TMTC2: variants seen among roughly 807,000 people sequenced by gnomAD.
The protein encoded by TMTC2 is protein O-mannosyl-transferase TMTC2.
TMTC2 carries 43 observed loss-of-function variants against 82.4 expected under a neutral mutation model. That is an observed-to-expected ratio of 0.52 (90% CI 0.41 to 0.67). The LOEUF (loss-of-function observed/expected upper bound fraction) is 0.67. Among genes scored for constraint, TMTC2 ranks in the 30% least tolerant of loss-of-function variants. TMTC2 has a pLI of 0.00. For missense variants in TMTC2, 919 were observed against 1,012.4 expected (o/e 0.91, Z 1.25); for synonymous variants, 408 against 381.9 (o/e 1.07, Z -0.80).
chr12:83,016,621 C>G (rs534937626), intron 8 of TMTC2, among the ~76,000 whole-genome samples: 1 of 152,266 alleles, frequency 6.6e-6, no homozygotes, highest in East Asian at 1.9e-4. Context: ...TAGGTACTCT[C>G]TAAATACATG....
At chr12:82,951,326 C>G in intron 4 of TMTC2, among the ~76,000 whole-genome samples, 1 of 151,606 alleles carries the variant, frequency 6.6e-6, no homozygotes, top group East Asian at 1.9e-4. Context: ...GAGTCTCGCT[C>G]TGTCGCTAGG....
rs1308260349 is a variant in TMTC2, at chr12:82,896,278, A to G, written c.1115A>G (p.Lys372Arg). Residue 372 changes from lysine (K) to arginine (R), a missense_variant, in exon 3 of 12, where the codon AAA becomes AGA. By Grantham distance (26) the Lys-to-Arg change is conservative. Coordinates refer to ENST00000321196, the MANE Select transcript of TMTC2 (RefSeq NM_152588.3). ...NSETKSSFAS[K>R]VENGIKNDVS... is the part of the protein sequence containing the mutation. ...GAGACTAAGTCCAGCTTTGCATCCA[A>G]AGTAGAAAATGGCATTAAAAACGAT... 6.2e-7 allele frequency: 1 copy of G among 1,614,140 alleles called. No individual in the cohort carries two copies. The highest frequency in any genetic ancestry group is 2.2e-5 in the East Asian group (1 of 44,868).
chr12:82,940,324 T>C (rs1314605347), intron 4 of TMTC2, among the ~76,000 whole-genome samples: 1 of 152,136 alleles, frequency 6.6e-6, no homozygotes, highest in African/African-American at 2.4e-5. Context: ...GCCAGATACA[T>C]GTATTTCTAC....
chr12:82,924,353 G>A (rs1471233273), intron 3 of TMTC2, among the ~76,000 whole-genome samples: 1 of 152,206 alleles, frequency 6.6e-6, no homozygotes. Context: ...TATAGCAAGA[G>A]AGGAGGATGT....
intron 8 of TMTC2, chr12:83,022,112 GA>G (rs1880959797): frequency 7.6e-6 from 1 of 130,928 alleles, no homozygotes; most frequent in Admixed American, 7.7e-5. Flanking sequence ...AAAAGAAGAA[GA>G]AAAGAAAAGA....
At chr12:82,951,072 G>A (rs919283908) in intron 4 of TMTC2, among the ~76,000 whole-genome samples, 1 of 152,188 alleles carries the variant, frequency 6.6e-6, no homozygotes, top group African/African-American at 2.4e-5. Context: ...GGGCTTAACT[G>A]TATTTTCTGA....
At chr12:83,131,428 T>C (rs1200058580) in intron 11 of TMTC2, among the ~76,000 whole-genome samples, 1 of 152,216 alleles carries the variant, frequency 6.6e-6, no homozygotes, top group African/African-American at 2.4e-5. Flanking sequence ...TTTCCACATG[T>C]GATAGCTTTG....
chr12:82,888,939 C>A (rs2403035), intron 2 of TMTC2, among the ~76,000 whole-genome samples: 93,166 of 152,002 alleles, frequency 0.61, 30,871 homozygotes, highest in African/African-American at 0.88. Context: ...AATTTTGAGA[C>A]ACTTAATTAT....
chr12:82,758,001 A>G (rs1453225630), intron 1 of TMTC2, among the ~76,000 whole-genome samples: 1 of 152,176 alleles, frequency 6.6e-6, no homozygotes, highest in Non-Finnish European at 1.5e-5. Flanking sequence ...TGGCAGAAAC[A>G]GTGTTTTTGT....
intron 8 of TMTC2, among the ~76,000 whole-genome samples, chr12:82,991,964 G>T (rs1879420561): frequency 6.6e-6 from 1 of 152,154 alleles, no homozygotes; most frequent in Non-Finnish European, 1.5e-5. Flanking sequence ...AAGTTACTTG[G>T]CTGTTAGCTT....
At chr12:82,749,692 T>A (rs1252896236) in intron 1 of TMTC2, among the ~76,000 whole-genome samples, 2 of 151,908 alleles carry the variant, frequency 1.3e-5, no homozygotes, top group African/African-American at 4.8e-5. Flanking sequence ...AGGGTAAAGA[T>A]TGTGTTAACA....
chr12:82,901,308 T>TC (rs1462016539), intron 3 of TMTC2, among the ~76,000 whole-genome samples: 14 of 140,966 alleles, frequency 9.9e-5, no homozygotes, highest in African/African-American at 3.6e-4. Context: ...ATATTTTTTT[T>TC]TCTTTTTTTT....
intron 1 of TMTC2, among the ~76,000 whole-genome samples, chr12:82,703,857 A>G (rs921926000): frequency 2.6e-5 from 4 of 152,230 alleles, no homozygotes; most frequent in Admixed American, 6.5e-5. Flanking sequence ...TTGAGGTGAC[A>G]TCAAGACATG....
intron 1 of TMTC2, among the ~76,000 whole-genome samples, chr12:82,750,547 G>GT (rs142502068): frequency 0.019 from 2,847 of 152,080 alleles, 81 homozygotes; most frequent in African/African-American, 0.065. Context: ...ATGTAGAGAG[G>GT]TTTTTTTAAA....
intron 11 of TMTC2, among the ~76,000 whole-genome samples, chr12:83,098,970 T>C (rs1884121652): frequency 6.6e-6 from 1 of 152,234 alleles, no homozygotes; most frequent in Admixed American, 6.5e-5. Context: ...GAATATCCAC[T>C]GAGGAGACTC....
At chr12:83,107,911 G>A (rs895572955) in intron 11 of TMTC2, among the ~76,000 whole-genome samples, 4 of 151,982 alleles carry the variant, frequency 2.6e-5, no homozygotes, top group Non-Finnish European at 4.4e-5. Flanking sequence ...GGAGGGGCCC[G>A]GTGGGAGGTG....
At chr12:82,940,608 C>CTT (rs986520598) in intron 4 of TMTC2, among the ~76,000 whole-genome samples, 4 of 144,498 alleles carry the variant, frequency 2.8e-5, no homozygotes, top group South Asian at 4.4e-4. Context: ...ATATGTTTTG[C>CTT]TTTTTTTTTT....
chr12:82,878,724 A>G (rs1029941652), intron 2 of TMTC2, among the ~76,000 whole-genome samples: 1 of 152,126 alleles, frequency 6.6e-6, no homozygotes, highest in Non-Finnish European at 1.5e-5. Flanking sequence ...AGATTGTTGA[A>G]GAAGAGTAGT....
intron 2 of TMTC2, among the ~76,000 whole-genome samples, chr12:82,876,069 A>ATGGTGGTGGTGGTGGTGG (rs1244436181): frequency 2.9e-5 from 3 of 102,226 alleles, no homozygotes; most frequent in Non-Finnish European, 5.3e-5. Flanking sequence ...GGTGGTGGTG[A>ATGGTGGTGGTGGTGGTGG]TGATGATGAT....
Sources: gnomAD v4.1 joint callset for allele counts (sites outside exome capture counted in the v4.1 genomes callset) on GRCh38, gnomAD v4.1.1 for gene constraint, MANE v1.5 for transcripts, NCBI Gene and HGNC (gene_info 2026-07-23, HGNC 2026-07-21) for gene names.